Variants in FSHR observed in about 807,000 individuals in gnomAD.
FSHR encodes the protein follicle stimulating hormone receptor.
A neutral mutation model predicts 52.1 loss-of-function variants in FSHR; 46 were observed. That is an observed-to-expected ratio of 0.88 (90% CI 0.70 to 1.13). The LOEUF (loss-of-function observed/expected upper bound fraction) is 1.13, where lower values mean the gene tolerates loss of function less well. Among genes scored for constraint, FSHR ranks in the 50% most tolerant of loss-of-function variants. The probability of loss-of-function intolerance (pLI) is 0.00; values close to 1 mark genes in which losing one functional copy is unlikely to be tolerated. For synonymous variants in FSHR, 399 were observed against 309.6 expected (o/e 1.29, Z -3.03); for missense variants, 964 against 834.6 (o/e 1.16, Z -1.91).
At chr2:49,044,091 G>T (rs1364248652) in intron 2 of FSHR, among the ~76,000 whole-genome samples, 1 of 152,068 alleles carries the variant, frequency 6.6e-6, no homozygotes, top group Non-Finnish European at 1.5e-5. Context: ...ATTTCTTCGG[G>T]GTTAGAACCA....
chr2:49,085,791 AG>A (rs1343910983), intron 1 of FSHR, among the ~76,000 whole-genome samples: 15 of 152,228 alleles, frequency 9.9e-5, no homozygotes, highest in Non-Finnish European at 1.8e-4. Flanking sequence ...GCCATAAAAA[AG>A]GATGAGTTCA....
At chr2:49,117,979 A>C (rs910939467) in intron 1 of FSHR, among the ~76,000 whole-genome samples, 1 of 152,190 alleles carries the variant, frequency 6.6e-6, no homozygotes, top group Non-Finnish European at 1.5e-5. Flanking sequence ...TCACTTAGCA[A>C]ATATTGCTGA....
chr2:49,089,941 C>T (rs554509105), intron 1 of FSHR, among the ~76,000 whole-genome samples: 67 of 152,194 alleles, frequency 4.4e-4, no homozygotes, highest in African/African-American at 1.6e-3. Flanking sequence ...ACGCTGACCA[C>T]TCGAAAAAGA....
At chr2:49,041,508 C>G (rs1167050481) in intron 2 of FSHR, among the ~76,000 whole-genome samples, 1 of 152,100 alleles carries the variant, frequency 6.6e-6, no homozygotes, top group Non-Finnish European at 1.5e-5. Flanking sequence ...ACGTGCATAT[C>G]TATTTTAAGA....
At chr2:49,103,620 G>T (rs540995387) in intron 1 of FSHR, among the ~76,000 whole-genome samples, 5 of 152,158 alleles carry the variant, frequency 3.3e-5, no homozygotes, top group Non-Finnish European at 7.4e-5. Flanking sequence ...TGCCTCTAAC[G>T]GCTGGCTCAT....
chr2:49,110,838 G>A (rs555439032), intron 1 of FSHR, among the ~76,000 whole-genome samples: 27 of 152,232 alleles, frequency 1.8e-4, no homozygotes, highest in African/African-American at 3.1e-4. Context: ...GAATTGGGTC[G>A]AAGAGTCACC....
chr2:49,071,941 C>G lies in FSHR; in HGVS notation c.153-3651G>C, dbSNP rs183317368. Among the ~76,000 whole-genome samples the G allele has an allele frequency of 4.3e-3, 654 of 152,198 alleles. 7 individuals are homozygous for G. The highest frequency in any genetic ancestry group is 0.015 in the African/African-American group (604 of 41,528). ...GGGATCTGCCCCCGTGACACAGTCA[C>G]CTCCCACTAGGTCACATCTCCAACA... On this transcript the variant is annotated intron_variant, in intron 1 of 9. Coordinates refer to ENST00000406846, the MANE Select transcript of FSHR (RefSeq NM_000145.4).
At position 49,141,700 on chromosome 2, in the gene FSHR, TGGGAG is replaced by T. The variant is rs1672693634; in HGVS notation, c.152+12561_152+12565del. Among the ~76,000 whole-genome samples the T allele has an allele frequency of 5.3e-5, 8 of 152,258 alleles. No individual in the cohort carries two copies. In the South Asian group the frequency reaches 1.5e-3, roughly 28 times the overall value. ...GTGCTAATCTTCAGCTTACTATATA[TGGGAG>T]ACAAAATAATACATAAGTTCTGTAT... On this transcript the variant is annotated intron_variant, in intron 1 of 9. Coordinates refer to ENST00000406846, the MANE Select transcript of FSHR (RefSeq NM_000145.4).
At chr2:49,095,153 C>A (rs1467341840) in intron 1 of FSHR, among the ~76,000 whole-genome samples, 2 of 152,000 alleles carry the variant, frequency 1.3e-5, no homozygotes, top group Admixed American at 6.6e-5. Flanking sequence ...CAAAAATATG[C>A]AAGAAACCCA....
At chr2:48,984,004 C>G (rs528507959) in intron 6 of FSHR, among the ~76,000 whole-genome samples, 1 of 152,138 alleles carries the variant, frequency 6.6e-6, no homozygotes, top group East Asian at 1.9e-4. Flanking sequence ...GAGCTTAGCC[C>G]GAAGAACCTC....
At chr2:49,006,052 G>A (rs756837577) in intron 4 of FSHR, among the ~76,000 whole-genome samples, 40 of 152,218 alleles carry the variant, frequency 2.6e-4, no homozygotes, top group Non-Finnish European at 5.3e-4. Context: ...GATACTTCCT[G>A]TCCTTGAACA....
At chr2:49,080,952 CCGAGA>C (rs1670145911) in intron 1 of FSHR, among the ~76,000 whole-genome samples, 1 of 152,156 alleles carries the variant, frequency 6.6e-6, no homozygotes, top group Admixed American at 6.5e-5. Context: ...GCAGAGTTTG[CCGAGA>C]AGTTATTCAA....
chr2:49,013,502 A>ATC (rs1491558388), intron 4 of FSHR, among the ~76,000 whole-genome samples: 1 of 67,308 alleles, frequency 1.5e-5, no homozygotes, highest in Non-Finnish European at 4.4e-5. Context: ...ATATATATAA[A>ATC]TATATATATA....
chr2:49,103,186 C>T (rs1362316127), intron 1 of FSHR, among the ~76,000 whole-genome samples: 2 of 152,072 alleles, frequency 1.3e-5, no homozygotes, highest in Non-Finnish European at 2.9e-5. Flanking sequence ...TGAGAAGAAA[C>T]GTCCTAGGTT....
chr2:49,146,537 G>C (rs1672878532), intron 1 of FSHR, among the ~76,000 whole-genome samples: 1 of 151,970 alleles, frequency 6.6e-6, no homozygotes. Flanking sequence ...GTTTTTCCAT[G>C]CTGCATCTCA....
chr2:49,106,055 G>T (rs764726358), intron 1 of FSHR, among the ~76,000 whole-genome samples: 8 of 152,266 alleles, frequency 5.3e-5, no homozygotes, highest in Admixed American at 3.3e-4. Context: ...AGCTTATTAG[G>T]AAGGCCAAAG....
chr2:49,144,772 T>C (rs1189951096), intron 1 of FSHR, among the ~76,000 whole-genome samples: 2 of 152,122 alleles, frequency 1.3e-5, no homozygotes, highest in African/African-American at 2.4e-5. Flanking sequence ...GGGTTTGTTG[T>C]TGACTGTGGG....
At chr2:49,109,644 A>G (rs1477322171) in intron 1 of FSHR, among the ~76,000 whole-genome samples, 2 of 152,114 alleles carry the variant, frequency 1.3e-5, no homozygotes, top group African/African-American at 4.8e-5. Context: ...GGTCAAATAA[A>G]GAGGCAGCCA....
chr2:49,097,358 C>CTTTT (rs1205804068), intron 1 of FSHR, among the ~76,000 whole-genome samples: 2 of 152,044 alleles, frequency 1.3e-5, no homozygotes, highest in Non-Finnish European at 2.9e-5. Context: ...GTTCACTGAC[C>CTTTT]TTTTTTCTGT....
Sources: allele counts gnomAD v4.1 joint callset (sites outside exome capture counted in the v4.1 genomes callset), GRCh38; gene constraint gnomAD v4.1.1; transcripts MANE v1.5; gene names NCBI Gene and HGNC (gene_info 2026-07-23, HGNC 2026-07-21).